The following FKBP9 variants were observed in gnomAD, a reference collection of about 807,000 sequenced individuals.
FKBP9 encodes FKBP prolyl isomerase 9, also known as peptidyl-prolyl cis-trans isomerase FKBP9.
In FKBP9, 27 loss-of-function variants were observed where a neutral mutation model predicts 55.6. That is an observed-to-expected ratio of 0.49 (90% confidence interval 0.36 to 0.67). FKBP9 has a LOEUF of 0.67. Among genes scored for constraint, FKBP9 ranks in the 30% least tolerant of loss-of-function variants. The pLI is 0.00. For missense variants in FKBP9, 539 were observed against 742.8 expected (o/e 0.73, Z 3.19); for synonymous variants, 267 against 296.5 (o/e 0.90, Z 1.02).
rs762749018 is a variant in FKBP9, at chr7:33,005,340, G to A, written c.1702G>A (p.Asp568Asn). The stretch of plus-strand genomic sequence containing the variant: ...ACTCAAAGACCAGGAAGCCAAACAC[G>A]ATGAACTCTAAACCTGGCATGAACC... ...FKLKDQEAKHDEL is the reference protein window; with the variant it reads ...FKLKDQEAKHNEL The change falls in exon 10 of 10, where the codon GAT (aspartate) becomes AAT (asparagine). Residue 568 changes from aspartate to asparagine, a missense_variant. Physicochemically the swap from Asp to Asn is conservative, Grantham distance 23 (BLOSUM62 1). Transcript: ENST00000242209. The A allele has an allele frequency of 2.7e-5, 43 of 1,614,092 alleles. No homozygotes were observed. Among genetic ancestry groups the A allele is most frequent in the Non-Finnish European group, 3.4e-5 (40 of 1,180,044 alleles).
intron 6 of FKBP9, among the ~76,000 whole-genome samples, chr7:32,990,550 G>A (rs552892704): frequency 6.6e-6 from 1 of 152,214 alleles, no homozygotes; most frequent in South Asian, 2.1e-4. Context: ...TTGAGTTTAT[G>A]TATAGGTTTA....
chr7:32,964,142 C>A (rs1191279628), intron 1 of FKBP9, among the ~76,000 whole-genome samples: 1 of 152,226 alleles, frequency 6.6e-6, no homozygotes, highest in African/African-American at 2.4e-5. Context: ...ACGGAGGCTG[C>A]TACCGTGCAT....
chr7:32,963,559 G>A (rs3110942), intron 1 of FKBP9: 484,861 of 1,143,292 alleles, frequency 0.42, 104,333 homozygotes, highest in Non-Finnish European at 0.44. Context: ...GGGATACAGC[G>A]GAGGATAAAG....
chr7:32,975,355 A>C lies in FKBP9; in HGVS notation c.541A>C (p.Thr181Pro). 3.7e-6 allele frequency: 6 copies of C among 1,613,868 alleles called. No individual in the cohort carries two copies. The highest frequency in any genetic ancestry group is 5.1e-6 in the Non-Finnish European group (6 of 1,179,778). The change falls in exon 3 of 10, where the codon ACT becomes CCT. Residue 181 changes from threonine to proline, a missense_variant. By Grantham distance (38) the Thr-to-Pro change is conservative. This residue lies in a region of FKBP9 where 236 missense variants were observed against 271.5 expected (regional missense o/e 0.87). Transcript: ENST00000242209. The stretch of plus-strand genomic sequence containing the variant: ...CTACAACGGGACGTTCCTGGACGGA[A>C]CTCTGTTTGATTCGAGGTAAGTCCT... ...YHYNGTFLDG[T>P]LFDSSHNRMK...
chr7:32,997,770 G>A (rs561016760), intron 7 of FKBP9, among the ~76,000 whole-genome samples: 1 of 152,338 alleles, frequency 6.6e-6, no homozygotes, highest in East Asian at 1.9e-4. Context: ...AGAGGTTGTA[G>A]TGAGCCGAGA....
intron 1 of FKBP9, among the ~76,000 whole-genome samples, chr7:32,964,520 C>A (rs181913021): frequency 2.6e-5 from 4 of 152,300 alleles, no homozygotes; most frequent in African/African-American, 9.6e-5. Flanking sequence ...GCTCATGTTT[C>A]AGGGTCTGAT....
intron 7 of FKBP9, among the ~76,000 whole-genome samples, chr7:32,999,188 G>A (rs1460214205): frequency 6.6e-6 from 1 of 152,118 alleles, no homozygotes; most frequent in Non-Finnish European, 1.5e-5. Context: ...AGGGAAAGAA[G>A]TGGCTGCCCT....
intron 1 of FKBP9, among the ~76,000 whole-genome samples, chr7:32,961,580 C>T (rs186336064): frequency 8.0e-4 from 122 of 152,312 alleles, no homozygotes; most frequent in Non-Finnish European, 1.2e-3. Context: ...TCCCTAACCC[C>T]TGAGCCATGG....
Position 32,996,234 on chromosome 7 carries a change from A to G in FKBP9, c.1111A>G (p.Ile371Val). ...VIDFHNPSDSISITSHYKPPD... is the reference protein window; with the variant it reads ...VIDFHNPSDSVSITSHYKPPD... Reference sequence around the variant, plus strand: ...CGACTTCCACAACCCTTCGGACTCCATCAGCATCACCTCCCACTACAAACC... The same window carrying G: ...CGACTTCCACAACCCTTCGGACTCCGTCAGCATCACCTCCCACTACAAACC... Residue 371 changes from isoleucine to valine, a missense_variant, in exon 7 of 10, where the codon ATC (isoleucine) becomes GTC (valine). Coordinates refer to ENST00000242209, the MANE Select transcript of FKBP9 (RefSeq NM_007270.5). The G allele has an allele frequency of 6.2e-7, 1 of 1,614,090 alleles. No homozygotes were observed. Among genetic ancestry groups the G allele is most frequent in the Admixed American group, 1.7e-5 (1 of 60,018 alleles).
At position 32,986,747 on chromosome 7, in the gene FKBP9, C is replaced by T. The variant is rs184090806; in HGVS notation, c.894-1760C>T. On this transcript the variant is annotated intron_variant, in intron 5 of 9. Coordinates refer to ENST00000242209, the MANE Select transcript of FKBP9 (RefSeq NM_007270.5). ...AACCCCCACAGCTCTGCCTGTGTAT[C>T]GGCCTGGCCCTGCTCGGCAGTCCTT... is the stretch of plus-strand genomic sequence containing the variant. 2.3e-3 allele frequency among the ~76,000 whole-genome samples: 344 copies of T among 152,306 alleles called. 2 individuals are homozygous for T. The highest frequency in any genetic ancestry group is 7.8e-3 in the African/African-American group (323 of 41,570).
intron 1 of FKBP9, among the ~76,000 whole-genome samples, chr7:32,963,925 T>C (rs1186971593): frequency 6.6e-6 from 1 of 152,214 alleles, no homozygotes; most frequent in African/African-American, 2.4e-5. Flanking sequence ...CACATGGTCC[T>C]AAGTGGGGGC....
chr7:32,958,771 C>G (rs1234440032), intron 1 of FKBP9, among the ~76,000 whole-genome samples: 1 of 152,232 alleles, frequency 6.6e-6, no homozygotes. Context: ...TCAGCTCTGC[C>G]TCAGGATCAC....
chr7:32,961,436 T>G (rs1340524921), intron 1 of FKBP9, among the ~76,000 whole-genome samples: 1 of 152,218 alleles, frequency 6.6e-6, no homozygotes, highest in African/African-American at 2.4e-5. Context: ...AATTTGCTTT[T>G]CTGACAAGTT....
At chr7:32,963,698 C>G in intron 1 of FKBP9, 1 of 1,372,630 alleles carries the variant, frequency 7.3e-7, no homozygotes, top group Non-Finnish European at 9.4e-7. Flanking sequence ...GAATCATGGA[C>G]TGAGGTGACT....
chr7:32,963,867 C>T (rs1784078480), intron 1 of FKBP9, among the ~76,000 whole-genome samples: 1 of 152,240 alleles, frequency 6.6e-6, no homozygotes, highest in African/African-American at 2.4e-5. Flanking sequence ...AGGAAATAAT[C>T]TGATGGGTCC....
chr7:32,973,498 G>T (rs1386141814), intron 1 of FKBP9, among the ~76,000 whole-genome samples: 1 of 151,552 alleles, frequency 6.6e-6, no homozygotes, highest in South Asian at 2.1e-4. Flanking sequence ...GGAAACTGAG[G>T]TTAAGAGAGT....
At chr7:32,991,472 C>T (rs1029421494) in intron 6 of FKBP9, among the ~76,000 whole-genome samples, 1 of 152,302 alleles carries the variant, frequency 6.6e-6, no homozygotes, top group South Asian at 2.1e-4. Context: ...GGGGCTGACC[C>T]GAGAGGGGTC....
At position 32,996,164 on chromosome 7, in the gene FKBP9, G is replaced by T. The variant is rs373271294; in HGVS notation, c.1041G>T (p.Gly347=). 21 of 1,613,900 alleles carry T rather than the reference G, an allele frequency of 1.3e-5. No individual in the cohort carries two copies. The East Asian group carries it at 2.7e-4, about 21-fold the overall frequency. ...PHLGYGEEGR[G]NIPGSAVLVF... is the part of the protein sequence containing the mutation. ...TAATTCCCCGTGTCTGTCCTTTAGG[G>T]AATATCCCCGGCTCGGCTGTGCTGG... Residue 347 remains glycine, a splice_region_variant and synonymous_variant, in exon 7 of 10, where the codon GGG becomes GGT. Coordinates refer to ENST00000242209, the MANE Select transcript of FKBP9 (RefSeq NM_007270.5).
chr7:32,965,754 C>G (rs2127976908), intron 1 of FKBP9, among the ~76,000 whole-genome samples: 1 of 134,090 alleles, frequency 7.5e-6, no homozygotes, highest in African/African-American at 2.8e-5. Flanking sequence ...ACCAAGATTG[C>G]ACCACTGCAC....
Sources: allele counts gnomAD v4.1 joint callset (sites outside exome capture counted in the v4.1 genomes callset), GRCh38; gene constraint gnomAD v4.1.1; regional missense constraint gnomAD v4.1.1; transcripts MANE v1.5; gene names NCBI Gene and HGNC (gene_info 2026-07-23, HGNC 2026-07-21).